SPAG16: variants seen among roughly 807,000 people sequenced by gnomAD.
SPAG16 encodes the protein sperm-associated antigen 16 protein.
In SPAG16, 86 loss-of-function variants were observed where a neutral mutation model predicts 80.4. The observed-to-expected ratio is 1.07, with a 90% confidence interval of 0.90 to 1.28. SPAG16 has a LOEUF of 1.28. Ranked by LOEUF, SPAG16 falls within the 50% of genes most tolerant of loss-of-function variation. The pLI, the probability that SPAG16 is intolerant of heterozygous loss-of-function variation, is 0.00. For synonymous variants in SPAG16, 294 were observed against 265.9 expected, an observed-to-expected ratio of 1.11 and a Z score of -1.03; for missense variants, 870 against 765.3, an observed-to-expected ratio of 1.14 and a Z score of -1.61.
chr2:213,478,500 G>C (rs989160419), intron 9 of SPAG16, among the ~76,000 whole-genome samples: 1 of 152,100 alleles, frequency 6.6e-6, no homozygotes, highest in East Asian at 1.9e-4. Flanking sequence ...AGTGTGGCTT[G>C]TTCTTGTGGC....
At chr2:214,221,425 T>C (rs2058564389) in intron 15 of SPAG16, among the ~76,000 whole-genome samples, 1 of 152,148 alleles carries the variant, frequency 6.6e-6, no homozygotes, top group Non-Finnish European at 1.5e-5. Context: ...CTATTTTTCT[T>C]ACTCAAGATA....
chr2:214,192,231 G>A (rs1221599290), intron 15 of SPAG16, among the ~76,000 whole-genome samples: 3 of 152,076 alleles, frequency 2.0e-5, no homozygotes, highest in Admixed American at 1.3e-4. Flanking sequence ...ATATATTAAG[G>A]AAGGCACGCA....
intron 9 of SPAG16, among the ~76,000 whole-genome samples, chr2:213,446,424 A>C (rs1575607093): frequency 1.3e-5 from 2 of 152,372 alleles, no homozygotes; most frequent in Non-Finnish European, 2.9e-5. Flanking sequence ...TGAAAAAGTC[A>C]CTACAGGAAT....
At chr2:213,996,388 A>C (rs764318335) in intron 12 of SPAG16, among the ~76,000 whole-genome samples, 2 of 152,164 alleles carry the variant, frequency 1.3e-5, no homozygotes, top group Non-Finnish European at 2.9e-5. Flanking sequence ...GACATATTTG[A>C]TGTATTATAT....
At chr2:214,175,338 T>C (rs977148791) in intron 15 of SPAG16, among the ~76,000 whole-genome samples, 2 of 124,112 alleles carry the variant, frequency 1.6e-5, no homozygotes, top group African/African-American at 5.3e-5. Flanking sequence ...TAAAGAAATA[T>C]ATATATATGA....
At chr2:214,036,169 T>G (rs1204389485) in intron 13 of SPAG16, among the ~76,000 whole-genome samples, 1 of 152,234 alleles carries the variant, frequency 6.6e-6, no homozygotes, top group African/African-American at 2.4e-5. Flanking sequence ...AATAGGTTAT[T>G]CTTATTGTCA....
intron 10 of SPAG16, among the ~76,000 whole-genome samples, chr2:213,503,788 T>C (rs1364163405): frequency 6.6e-6 from 1 of 152,008 alleles, no homozygotes; most frequent in Non-Finnish European, 1.5e-5. Context: ...TAAAATTAAA[T>C]AAATTAAAAT....
At chr2:213,396,613 C>G (rs1559087484) in intron 9 of SPAG16, 1 of 455,464 alleles carries the variant, frequency 2.2e-6, no homozygotes. Flanking sequence ...AACTCTCAAA[C>G]TTGGAATAAG....
intron 13 of SPAG16, among the ~76,000 whole-genome samples, chr2:214,065,655 A>G (rs1258468399): frequency 6.6e-6 from 1 of 152,140 alleles, no homozygotes; most frequent in Admixed American, 6.6e-5. Context: ...TACCAAATAC[A>G]TATAGTTTAT....
chr2:213,463,931 GC>G (rs1219214260), intron 9 of SPAG16, among the ~76,000 whole-genome samples: 2 of 152,196 alleles, frequency 1.3e-5, no homozygotes, highest in Admixed American at 1.3e-4. Context: ...GACCTTCACT[GC>G]CAAAGGAGTA....
intron 15 of SPAG16, among the ~76,000 whole-genome samples, chr2:214,403,717 T>C (rs1052709491): frequency 7.2e-5 from 11 of 152,208 alleles, no homozygotes; most frequent in Non-Finnish European, 1.5e-4. Flanking sequence ...AAGCTGCTAC[T>C]ATTATCCACT....
At chr2:214,292,523 A>G (rs1693871184) in intron 15 of SPAG16, among the ~76,000 whole-genome samples, 1 of 152,088 alleles carries the variant, frequency 6.6e-6, no homozygotes, top group African/African-American at 2.4e-5. Context: ...TTAAATAACT[A>G]TTCGGAAAAT....
intron 10 of SPAG16, among the ~76,000 whole-genome samples, chr2:213,750,825 A>G (rs1403338695): frequency 2.6e-5 from 4 of 152,248 alleles, no homozygotes; most frequent in African/African-American, 9.6e-5. Flanking sequence ...TGATATCTGT[A>G]GAGTGTCTTA....
At chr2:214,050,116 C>T (rs2049559771) in intron 13 of SPAG16, among the ~76,000 whole-genome samples, 1 of 151,964 alleles carries the variant, frequency 6.6e-6, no homozygotes, top group South Asian at 2.1e-4. Flanking sequence ...GTGAGCTCCT[C>T]TTAGTGGGAA....
chr2:213,770,655 T>A (rs140912688), intron 10 of SPAG16, among the ~76,000 whole-genome samples: 328 of 152,210 alleles, frequency 2.2e-3, no homozygotes, highest in African/African-American at 7.6e-3. Flanking sequence ...GTTATTCATC[T>A]CCTTGTGTTC....
chr2:213,930,973 C>T (rs1230856602), intron 12 of SPAG16, among the ~76,000 whole-genome samples: 62 of 152,216 alleles, frequency 4.1e-4, no homozygotes, highest in Non-Finnish European at 1.2e-4. Context: ...ACTGAGGTTC[C>T]GTTTTGAAGG....
chr2:213,856,935 TA>T (rs1458455223), intron 10 of SPAG16, among the ~76,000 whole-genome samples: 2 of 152,240 alleles, frequency 1.3e-5, no homozygotes, highest in East Asian at 3.9e-4. Context: ...GTGGCTAAAC[TA>T]AAAAATCATC....
Position 213,592,491 on chromosome 2 carries a change from T to C in SPAG16, c.1070+102401T>C, listed in dbSNP as rs139223370. On this transcript the variant is annotated intron_variant, in intron 10 of 15. Coordinates refer to ENST00000331683, the MANE Select transcript of SPAG16 (RefSeq NM_024532.5). ...CAAACTATTGGTTGAAAAGTGCAAG[T>C]ATTTTTAAAACTAAATATATATGTT... Among the ~76,000 whole-genome samples, 229 of 152,362 alleles carry C rather than the reference T, an allele frequency of 1.5e-3. 3 individuals carry two copies. Among genetic ancestry groups the C allele is most frequent in the African/African-American group, 4.4e-3 (184 of 41,598 alleles).
Position 214,306,561 on chromosome 2 carries a change from G to A in SPAG16, c.1721-103579G>A, listed in dbSNP as rs180952163. Reference sequence around the variant, plus strand: ...TTGAGGTATGTGTCTTCAATACCTCGTTTATTGGAGAGTTTTTAGCATGGA... The same window carrying A: ...TTGAGGTATGTGTCTTCAATACCTCATTTATTGGAGAGTTTTTAGCATGGA... On this transcript the variant is annotated intron_variant, in intron 15 of 15. Coordinates refer to ENST00000331683, the MANE Select transcript of SPAG16 (RefSeq NM_024532.5). 5.3e-5 allele frequency among the ~76,000 whole-genome samples: 8 copies of A among 152,230 alleles called. No homozygotes were observed. In the East Asian group the frequency reaches 9.7e-4, roughly 18 times the overall value.
Sources: gnomAD v4.1 joint callset for allele counts (sites outside exome capture counted in the v4.1 genomes callset) on GRCh38, gnomAD v4.1.1 for gene constraint, MANE v1.5 for transcripts, NCBI Gene and HGNC (gene_info 2026-07-23, HGNC 2026-07-21) for gene names.